PUM2: variants seen among roughly 807,000 people sequenced by gnomAD.
PUM2 encodes pumilio RNA binding family member 2.
Under a neutral mutation model 124.5 loss-of-function variants are expected in PUM2, and 57 were observed. That is an observed-to-expected ratio of 0.46 (90% CI 0.37 to 0.57). The LOEUF is 0.57. Among genes scored for constraint, PUM2 ranks in the 20% least tolerant of loss-of-function variants. PUM2 has a pLI of 0.00. For synonymous variants in PUM2, 460 were observed against 446.1 expected, an observed-to-expected ratio of 1.03 and a Z score of -0.39; for missense variants, 1,065 against 1,290.6, an observed-to-expected ratio of 0.83 and a Z score of 2.68.
intron 3 of PUM2, among the ~76,000 whole-genome samples, chr2:20,313,835 CAAAAAAAAAAAAAAAAA>C (rs35569645): frequency 3.6e-5 from 2 of 55,054 alleles, no homozygotes; most frequent in South Asian, 2.5e-3. Flanking sequence ...GATCCTGTCT[CAAAAAAAAAAAAAAAAA>C]AAAAAAAAGG....
At chr2:20,275,897 C>T (rs1001010257) in intron 13 of PUM2, among the ~76,000 whole-genome samples, 10 of 151,924 alleles carry the variant, frequency 6.6e-5, no homozygotes, top group Non-Finnish European at 1.0e-4. Flanking sequence ...AATGTATGAA[C>T]CTTATTTTGA....
intron 7 of PUM2, 96 bp from the exon 8 acceptor site, chr2:20,297,774 G>T: frequency 1.5e-6 from 2 of 1,314,994 alleles, no homozygotes; most frequent in East Asian, 2.5e-5. Context: ...GGGGTGGTGT[G>T]GGGGTGGGGA....
At position 20,291,689 on chromosome 2, in the gene PUM2, C is replaced by T. The variant is rs548092222; in HGVS notation, c.1153-899G>A. On this transcript the variant is annotated intron_variant, in intron 9 of 20. Transcript: ENST00000361078. ...TCCCATCTTCATCCAAGATAGAATC[C>T]TCCAATAACTGTTTTAACTGCTGTA... Among the ~76,000 whole-genome samples, 7 of 152,034 alleles carry T rather than the reference C, an allele frequency of 4.6e-5. No individual in the cohort carries two copies. In the South Asian group the frequency reaches 1.5e-3, roughly 32 times the overall value.
At chr2:20,324,127 C>G (rs576934251) in intron 2 of PUM2, among the ~76,000 whole-genome samples, 4 of 152,184 alleles carry the variant, frequency 2.6e-5, no homozygotes, top group African/African-American at 9.6e-5. Flanking sequence ...TCCCTAAGAG[C>G]TTATATTAAA....
At chr2:20,286,362 G>A (rs1672741479) in intron 10 of PUM2, among the ~76,000 whole-genome samples, 1 of 152,192 alleles carries the variant, frequency 6.6e-6, no homozygotes, top group Non-Finnish European at 1.5e-5. Context: ...GAGGTAAAAA[G>A]TAGTCAAGGA....
rs1395658131 is a variant in PUM2 at position 20,250,753 on chromosome 2, A to G, written c.*832T>C. On this transcript the variant is annotated 3_prime_UTR_variant, in exon 21 of 21. Transcript: ENST00000361078. ...ACATGTCTGTAATTCTATAAGCAAA[A>G]CAAAATACAAATTTCCACTCTTTCT... 2.0e-5 allele frequency: 3 copies of G among 152,638 alleles called. No homozygotes were observed. The highest frequency in any genetic ancestry group is 7.2e-5 in the African/African-American group (3 of 41,580). The allele number at this position is 152,638 out of a possible 1,614,324, so 9.5% of individuals were successfully genotyped here.
intron 13 of PUM2, among the ~76,000 whole-genome samples, chr2:20,264,396 A>ATT (rs1667166003): frequency 8.1e-6 from 1 of 124,170 alleles, no homozygotes; most frequent in South Asian, 2.7e-4. Context: ...ATATATATAT[A>ATT]TTTGACATAA....
At position 20,251,626 on chromosome 2, in the gene PUM2, C is replaced by G; in HGVS notation, c.3154G>C (p.Asp1052His). 6.2e-7 allele frequency: 1 copy of G among 1,613,912 alleles called. No homozygotes were observed. Among genetic ancestry groups the G allele is most frequent in the South Asian group, 1.1e-5 (1 of 91,074 alleles). ...LEKYYLKNSP[D>H]LGPIGGPPNG... ...GGTGGTCCTCCAATAGGTCCTAGGT[C>G]CGGGCTATTCTTCAAATAATACTTT... is the stretch of plus-strand genomic sequence containing the variant. Residue 1052 changes from aspartate (D) to histidine (H), a missense_variant, in exon 21 of 21, where the codon GAC (aspartate) becomes CAC (histidine). By Grantham distance (81) the Asp-to-His change is moderately conservative (BLOSUM62 -1). Transcript: ENST00000361078.
At chr2:20,331,102 G>A (rs531287690) in intron 1 of PUM2, among the ~76,000 whole-genome samples, 3 of 151,604 alleles carry the variant, frequency 2.0e-5, no homozygotes, top group African/African-American at 4.8e-5. Flanking sequence ...ACACAGAAAC[G>A]TGGTTTGGTT....
intron 1 of PUM2, among the ~76,000 whole-genome samples, chr2:20,336,176 CGTTTTTTTGTTT>C (rs900385366): frequency 3.3e-5 from 5 of 150,014 alleles, no homozygotes; most frequent in African/African-American, 1.2e-4. Flanking sequence ...ACACAAAAAG[CGTTTTTTTGTTT>C]TTTTGTTTGT....
chr2:20,331,021 G>C (rs1684791329), intron 1 of PUM2, among the ~76,000 whole-genome samples: 1 of 152,108 alleles, frequency 6.6e-6, no homozygotes, highest in African/African-American at 2.4e-5. Flanking sequence ...GGTACAGTAG[G>C]ATAAACTGTA....
At chr2:20,267,170 G>A (rs1382662460) in intron 13 of PUM2, among the ~76,000 whole-genome samples, 2 of 150,636 alleles carry the variant, frequency 1.3e-5, no homozygotes, top group Non-Finnish European at 3.0e-5. Flanking sequence ...TTACAGGTGC[G>A]TACCACCATG....
chr2:20,343,594 T>C (rs991009341), intron 1 of PUM2, among the ~76,000 whole-genome samples: 1 of 152,122 alleles, frequency 6.6e-6, no homozygotes, highest in Non-Finnish European at 1.5e-5. Context: ...ACCTTATTCC[T>C]AACACTAAGC....
intron 13 of PUM2, among the ~76,000 whole-genome samples, chr2:20,274,473 A>G (rs1343365486): frequency 6.6e-6 from 1 of 152,134 alleles, no homozygotes; most frequent in Non-Finnish European, 1.5e-5. Flanking sequence ...GATTCTAAAA[A>G]TTTATAATAT....
intron 7 of PUM2, among the ~76,000 whole-genome samples, chr2:20,302,337 C>T (rs1326776181): frequency 6.6e-6 from 1 of 152,204 alleles, no homozygotes; most frequent in Admixed American, 6.5e-5. Flanking sequence ...CATTATCAAA[C>T]ATTCTGAAGA....
Position 20,278,822 on chromosome 2 carries a change from G to C in PUM2, c.1721-3C>G, listed in dbSNP as rs755072585. ...ACTACTACTTGCAGAACTGCCAACT[G>C]AAGAAGAAATAAAAAAAACCCTAAT... On this transcript the variant is annotated splice_region_variant and splice_polypyrimidine_tract_variant and intron_variant, in intron 12 of 20. Coordinates refer to ENST00000361078, the MANE Select transcript of PUM2 (RefSeq NM_015317.5). The C allele has an allele frequency of 1.2e-6, 2 of 1,605,562 alleles. No individual in the cohort carries two copies. The highest frequency in any genetic ancestry group is 2.2e-5 in the South Asian group (2 of 90,394).
chr2:20,296,254 G>A (rs552763100), intron 8 of PUM2, among the ~76,000 whole-genome samples: 68 of 152,290 alleles, frequency 4.5e-4, no homozygotes, highest in African/African-American at 1.3e-3. Flanking sequence ...CCAGCACTTT[G>A]GGAGGCCGAG....
At chr2:20,267,712 TATGGTCCA>T (rs140194498) in intron 13 of PUM2, among the ~76,000 whole-genome samples, 4,379 of 152,306 alleles carry the variant, frequency 0.029, 92 homozygotes, top group Middle Eastern at 0.071. Flanking sequence ...ATGAGGTCAC[TATGGTCCA>T]ATGGTCCAAT....
At chr2:20,260,022 CCCTGA>C (rs1271575343) in intron 15 of PUM2, among the ~76,000 whole-genome samples, 1 of 152,150 alleles carries the variant, frequency 6.6e-6, no homozygotes. Flanking sequence ...ATCTGCATTT[CCCTGA>C]TTAGTAAGGA....
Sources: allele counts gnomAD v4.1 joint callset (sites outside exome capture counted in the v4.1 genomes callset), GRCh38; gene constraint gnomAD v4.1.1; transcripts MANE v1.5; gene names NCBI Gene and HGNC (gene_info 2026-07-23, HGNC 2026-07-21).